The following SDK2 variants were observed in gnomAD, a reference collection of about 807,000 sequenced individuals.
SDK2 encodes sidekick cell adhesion molecule 2, also known as protein sidekick-2.
Under a neutral mutation model 253.9 loss-of-function variants are expected in SDK2, and 105 were observed. That is an observed-to-expected ratio of 0.41 (90% CI 0.35 to 0.49). The LOEUF (loss-of-function observed/expected upper bound fraction) is 0.49, where lower values mean the gene tolerates loss of function less well. Among genes scored for constraint, SDK2 ranks in the 20% least tolerant of loss-of-function variants. SDK2 has a pLI of 0.06. For synonymous variants in SDK2, 1,249 were observed against 1,234.9 expected, an observed-to-expected ratio of 1.01 and a Z score of -0.24; for missense variants, 2,608 against 3,003.0, an observed-to-expected ratio of 0.87 and a Z score of 3.07.
chr17:73,487,713 G>A (rs2063778207), intron 2 of SDK2, among the ~76,000 whole-genome samples: 1 of 152,238 alleles, frequency 6.6e-6, no homozygotes, highest in Non-Finnish European at 1.5e-5. Flanking sequence ...CCACGGGTGT[G>A]AGGGAGATGG....
chr17:73,365,214 T>A, intron 38 of SDK2, 44 bp downstream of exon 38: 1 of 1,441,202 alleles, frequency 6.9e-7, no homozygotes, highest in Non-Finnish European at 9.3e-7. Context: ...AGCGAGCTTT[T>A]GCAAAGTGGG....
chr17:73,504,803 G>C (rs1167790454), intron 2 of SDK2, among the ~76,000 whole-genome samples: 1 of 152,198 alleles, frequency 6.6e-6, no homozygotes, highest in Admixed American at 6.5e-5. Flanking sequence ...GGAATTTGCA[G>C]GGAACTGTCC....
At chr17:73,573,637 C>T (rs1057457376) in intron 1 of SDK2, among the ~76,000 whole-genome samples, 2 of 152,222 alleles carry the variant, frequency 1.3e-5, no homozygotes, top group Admixed American at 6.5e-5. Context: ...CCACCACCAG[C>T]TCTGGCCTGG....
chr17:73,473,299 A>C lies in SDK2; in HGVS notation c.225-1081T>G, dbSNP rs1355097579. ...AAGGAGGAGGCACGTCAGTGAGAGG[A>C]GCTTCTGACAGTGGGACAGGAGTGG... On this transcript the variant is annotated intron_variant, in intron 2 of 44. Coordinates refer to ENST00000392650, the MANE Select transcript of SDK2 (RefSeq NM_001144952.2). 2.0e-5 allele frequency among the ~76,000 whole-genome samples: 3 copies of C among 152,188 alleles called. No individual in the cohort carries two copies. The South Asian group carries it at 6.2e-4, about 31-fold the overall frequency.
At chr17:73,545,318 A>G (rs1202871789) in intron 1 of SDK2, among the ~76,000 whole-genome samples, 1 of 151,480 alleles carries the variant, frequency 6.6e-6, no homozygotes, top group Non-Finnish European at 1.5e-5. Flanking sequence ...ACCCACCCCT[A>G]CTGTATGTGG....
chr17:73,517,667 G>C (rs1431862608), intron 1 of SDK2: 3 of 152,260 alleles, frequency 2.0e-5, no homozygotes, highest in Non-Finnish European at 4.4e-5. Context: ...CCAGCTTATA[G>C]TGCTTTGTCA....
intron 40 of SDK2, 55 bp downstream of exon 40, chr17:73,358,024 A>G (rs1433337205): frequency 6.2e-7 from 1 of 1,609,848 alleles, no homozygotes; most frequent in South Asian, 1.1e-5. Flanking sequence ...GGAGGGACCC[A>G]GGAAGAAGGG....
Position 73,545,099 on chromosome 17 carries a change from G to GCACACACACA in SDK2, c.65-37512_65-37503dup, listed in dbSNP as rs58966207. Among the ~76,000 whole-genome samples, 1,007 of 145,796 alleles carry GCACACACACA rather than the reference G, an allele frequency of 6.9e-3. 3 individuals carry two copies. The highest frequency in any genetic ancestry group is 6.7e-3 in the Non-Finnish European group (448 of 66,572). ...GCATTCTCATTGCGTGCACGTGCAC[G>GCACACACACA]CACACACACACACACACACACACAC... is the stretch of plus-strand genomic sequence containing the variant. On this transcript the variant is annotated intron_variant, in intron 1 of 44. Transcript: ENST00000392650.
chr17:73,412,887 C>T (rs11871671), intron 18 of SDK2, among the ~76,000 whole-genome samples: 39,065 of 152,110 alleles, frequency 0.26, 5,582 homozygotes, highest in East Asian at 0.55. Flanking sequence ...TGGACACAGA[C>T]ACAGAGTGAA....
In SDK2 at chr17:73,394,194, G is replaced by C; in HGVS notation, c.3708+15C>G. On this transcript the variant is annotated intron_variant, in intron 26 of 44. Transcript: ENST00000392650. ...CCAGTGTAGGGACCCCACCTCCTGGGATCCCGGGACTCACCTTATAGCCCA... is the reference window on the plus strand; with the variant it reads ...CCAGTGTAGGGACCCCACCTCCTGGCATCCCGGGACTCACCTTATAGCCCA... 1 of 1,491,366 alleles carries C rather than the reference G, an allele frequency of 6.7e-7. No homozygotes were observed. The highest frequency in any genetic ancestry group is 9.0e-7 in the Non-Finnish European group (1 of 1,106,780). The allele number at this position is 1,491,366 out of a possible 1,614,324, so 92.4% of individuals were successfully genotyped here.
intron 36 of SDK2, among the ~76,000 whole-genome samples, chr17:73,376,808 A>G (rs932703491): frequency 3.2e-4 from 49 of 152,194 alleles, no homozygotes; most frequent in African/African-American, 1.2e-3. Context: ...CTCCTGGGCA[A>G]TGCCTTGAGG....
intron 12 of SDK2, among the ~76,000 whole-genome samples, chr17:73,425,831 T>C (rs544938091): frequency 6.6e-6 from 1 of 152,044 alleles, no homozygotes; most frequent in African/African-American, 2.4e-5. Context: ...TTAACCTTGC[T>C]AGGCCTCAGT....
Position 73,419,306 on chromosome 17 carries a change from C to T in SDK2, c.2046G>A (p.Arg682=), listed in dbSNP as rs768351619. 6.2e-7 allele frequency: 1 copy of T among 1,611,170 alleles called. No individual in the cohort carries two copies. ...TGGGGGGCTCCTCGGGGAGGGAGACCCTGGATCACAAAACACCAATGCTCT... is the reference window on the plus strand; with the variant it reads ...TGGGGGGCTCCTCGGGGAGGGAGACTCTGGATCACAAAACACCAATGCTCT... ...GKGQFSKDTE[R]VSLPEEPPTA... Residue 682 remains arginine, a splice_region_variant and synonymous_variant, in exon 16 of 45, where the codon AGG becomes AGA. Coordinates refer to ENST00000392650, the MANE Select transcript of SDK2 (RefSeq NM_001144952.2).
intron 29 of SDK2, among the ~76,000 whole-genome samples, chr17:73,388,912 CCCT>C (rs1423172171): frequency 1.2e-5 from 1 of 83,578 alleles, no homozygotes; most frequent in Non-Finnish European, 2.3e-5. Flanking sequence ...CTCCCTCCCT[CCCT>C]TTTTCCCCCC....
intron 1 of SDK2, among the ~76,000 whole-genome samples, chr17:73,528,253 C>G (rs1253937377): frequency 6.6e-6 from 1 of 152,154 alleles, no homozygotes; most frequent in Non-Finnish European, 1.5e-5. Context: ...AGGTAGGGAG[C>G]CCGGCAGTCT....
rs147802955 is a variant in SDK2 at position 73,350,430 on chromosome 17, T to C, written c.5900-55A>G. 6.0e-5 allele frequency: 95 copies of C among 1,572,822 alleles called. 1 individual carries two copies. The East Asian group carries it at 1.2e-3, about 19-fold the overall frequency. ...AGACTGTGTGGCCTCCCCTCTCCCA[T>C]ACCACTCTCCACCTGGCTGGGTTAT... is the stretch of plus-strand genomic sequence containing the variant. On this transcript the variant is annotated intron_variant, in intron 42 of 44. Transcript: ENST00000392650.
rs925642500 is a variant in SDK2 at position 73,481,276 on chromosome 17, G to C, written c.225-9058C>G. On this transcript the variant is annotated intron_variant, in intron 2 of 44. Transcript: ENST00000392650. The surrounding 1 kb of genome is among the most constrained non-coding windows in gnomAD (Gnocchi z 4.5). ...GTCCCTCGGAGGAGGGGGGACTTGGGCACAGTGTGTTCCCCCCACCTTCTA... is the reference window on the plus strand; with the variant it reads ...GTCCCTCGGAGGAGGGGGGACTTGGCCACAGTGTGTTCCCCCCACCTTCTA... Among the ~76,000 whole-genome samples the C allele has an allele frequency of 2.6e-5, 4 of 152,152 alleles. No homozygotes were observed. Among genetic ancestry groups the C allele is most frequent in the Non-Finnish European group, 5.9e-5 (4 of 68,010 alleles).
chr17:73,513,710 C>T (rs1221830649), intron 1 of SDK2: 1 of 152,202 alleles, frequency 6.6e-6, no homozygotes, highest in Non-Finnish European at 1.5e-5. Context: ...CAAGAGGGCA[C>T]TGCTTAAAGA....
At chr17:73,469,985 C>CGCGCGCGT (rs1555585128) in intron 3 of SDK2, among the ~76,000 whole-genome samples, 17 of 92,898 alleles carry the variant, frequency 1.8e-4, no homozygotes, top group Middle Eastern at 6.0e-3. Flanking sequence ...TGCGACTGCG[C>CGCGCGCGT]GCGCGCGCAC....
Sources: gnomAD v4.1 joint callset for allele counts (sites outside exome capture counted in the v4.1 genomes callset) on GRCh38, gnomAD v4.1.1 for gene constraint, Gnocchi (gnomAD v3.1) non-coding constraint, MANE v1.5 for transcripts, NCBI Gene and HGNC (gene_info 2026-07-23, HGNC 2026-07-21) for gene names.